Variants in RAD17 observed in about 807,000 individuals in gnomAD.
The protein encoded by RAD17 is cell cycle checkpoint protein RAD17.
In RAD17, 31 loss-of-function variants were observed where a neutral mutation model predicts 81.5. That is an observed-to-expected ratio of 0.38 (90% CI 0.29 to 0.51). The LOEUF is 0.51. RAD17 is among the 20% of genes least tolerant of loss of function. The probability of loss-of-function intolerance (pLI) is 0.88; values close to 1 mark genes in which losing one functional copy is unlikely to be tolerated. For missense variants in RAD17, 681 were observed against 781.2 expected (o/e 0.87, Z 1.53); for synonymous variants, 261 against 266.2 (o/e 0.98, Z 0.19).
At chr5:69,399,881 C>G (rs568069206) in intron 16 of RAD17, among the ~76,000 whole-genome samples, 168 bp from the exon 17 acceptor site, 2 of 152,076 alleles carry the variant, frequency 1.3e-5, no homozygotes, top group South Asian at 4.1e-4. Context: ...GCTAAAAAAA[C>G]TATAAAGGAC....
chr5:69,398,145 G>A (rs997083978), intron 16 of RAD17, among the ~76,000 whole-genome samples: 3 of 151,824 alleles, frequency 2.0e-5, no homozygotes, highest in Admixed American at 1.3e-4. Flanking sequence ...CACTAAAACG[G>A]TAGATTTTAA....
upstream of RAD17, chr5:69,369,471 A>T: frequency 6.2e-7 from 1 of 1,610,952 alleles, no homozygotes; most frequent in Non-Finnish European, 8.5e-7. Flanking sequence ...ACCGGTGAGC[A>T]GGATGTTCGG....
chr5:69,371,962 T>G, intron 3 of RAD17, 72 bp from the exon 4 acceptor site: 2 of 820,108 alleles, frequency 2.4e-6, no homozygotes, highest in Middle Eastern at 4.0e-4. Context: ...TTTCCCTAAG[T>G]GGTAGCTCTA....
chr5:69,373,780 A>G, intron 4 of RAD17, 50 bp from the exon 5 acceptor site: 1 of 1,496,062 alleles, frequency 6.7e-7, no homozygotes, highest in Non-Finnish European at 9.2e-7. Flanking sequence ...ATTTGGGGGA[A>G]TAGATGGGAG....
intron 4 of RAD17, among the ~76,000 whole-genome samples, 164 bp from the exon 5 acceptor site, chr5:69,373,666 T>C (rs1220252015): frequency 6.9e-6 from 1 of 145,394 alleles, no homozygotes; most frequent in South Asian, 2.2e-4. Context: ...GGTGACAGAG[T>C]GAGACCCGGT....
chr5:69,393,485 C>T lies in RAD17; in HGVS notation c.1407C>T (p.Leu469=). ...AATTTCTGAGTTTTGCAGATATCCTCAGTGGTGACTGGAATGTAAGACCAT... is the reference window on the plus strand; with the variant it reads ...AATTTCTGAGTTTTGCAGATATCCTTAGTGGTGACTGGAATGTAAGACCAT... The part of the protein sequence containing the change: ...ASEFLSFADI[L]SGDWNTRSLL... The change falls in exon 15 of 19, where the codon CTC becomes CTT. Residue 469 remains leucine (L), a synonymous_variant. Transcript: ENST00000354868. 1.2e-6 allele frequency: 2 copies of T among 1,605,982 alleles called. No individual in the cohort carries two copies. Among genetic ancestry groups the T allele is most frequent in the South Asian group, 2.2e-5 (2 of 89,408 alleles).
At position 69,414,204 on chromosome 5, in the gene RAD17, T is replaced by G; in HGVS notation, c.1925T>G (p.Leu642Arg). 1.2e-6 allele frequency: 2 copies of G among 1,614,230 alleles called. No homozygotes were observed. Among genetic ancestry groups the G allele is most frequent in the Non-Finnish European group, 1.7e-6 (2 of 1,180,046 alleles). ...TTGAGTCAGAATAGTGCCAGTGAAC[T>G]GCCTGCTAGCCAGCCCCAGCCCTTT... ...LPLSQNSASE[L>R]PASQPQPFSA... is the part of the protein sequence containing the mutation. The change falls in exon 19 of 19, where the codon CTG (leucine) becomes CGG (arginine). Residue 642 changes from leucine to arginine, a missense_variant. Transcript: ENST00000354868.
chr5:69,404,332 A>G (rs183104385), intron 17 of RAD17, among the ~76,000 whole-genome samples: 11 of 152,350 alleles, frequency 7.2e-5, no homozygotes, highest in Admixed American at 5.2e-4. Flanking sequence ...GGGAGAAAAT[A>G]TTTGTAAATT....
At chr5:69,386,352 TTTAAA>T in intron 10 of RAD17, 39 bp from the exon 11 acceptor site, 2 of 1,579,832 alleles carry the variant, frequency 1.3e-6, no homozygotes, top group Non-Finnish European at 1.7e-6. Flanking sequence ...ATATTATATT[TTTAAA>T]TTAATCATTT....
chr5:69,389,882 C>T (rs751495332), intron 12 of RAD17, among the ~76,000 whole-genome samples: 4 of 152,102 alleles, frequency 2.6e-5, no homozygotes, highest in Non-Finnish European at 5.9e-5. Flanking sequence ...GTGATCCGCC[C>T]GCCTCGGCCT....
intron 6 of RAD17, among the ~76,000 whole-genome samples, chr5:69,381,271 G>T (rs1017823249): frequency 2.2e-4 from 34 of 152,122 alleles, no homozygotes; most frequent in African/African-American, 8.2e-4. Flanking sequence ...ACGAGGTCAG[G>T]AGATTGAGAC....
At chr5:69,392,479 T>TC (rs1764609962) in intron 13 of RAD17, among the ~76,000 whole-genome samples, 1 of 152,140 alleles carries the variant, frequency 6.6e-6, no homozygotes, top group Non-Finnish European at 1.5e-5. Context: ...TGATGACTGC[T>TC]CCCCCTCAGT....
chr5:69,411,592 A>C (rs938886006), intron 18 of RAD17, among the ~76,000 whole-genome samples: 2 of 152,052 alleles, frequency 1.3e-5, no homozygotes, highest in African/African-American at 4.8e-5. Context: ...TTGTAGTGTT[A>C]ATGTTTTTTT....
At chr5:69,392,164 A>G in intron 13 of RAD17, 151 bp downstream of exon 13, 1 of 576,542 alleles carries the variant, frequency 1.7e-6, no homozygotes, top group South Asian at 4.1e-5. Flanking sequence ...CCTAAGACAT[A>G]GTAGGAAATC....
intron 6 of RAD17, among the ~76,000 whole-genome samples, chr5:69,378,249 A>T (rs1763637230): frequency 6.6e-6 from 1 of 152,244 alleles, no homozygotes; most frequent in South Asian, 2.1e-4. Flanking sequence ...TATACCAAAT[A>T]TTTGCAGAGT....
chr5:69,385,561 A>C (rs113879558), intron 8 of RAD17, among the ~76,000 whole-genome samples: 77 of 152,252 alleles, frequency 5.1e-4, no homozygotes, highest in African/African-American at 1.8e-3. Flanking sequence ...GTGAGCCACC[A>C]CACCCAGCCA....
At chr5:69,387,539 AATT>A (rs1344710739) in intron 11 of RAD17, among the ~76,000 whole-genome samples, 1 of 152,154 alleles carries the variant, frequency 6.6e-6, no homozygotes, top group Non-Finnish European at 1.5e-5. Context: ...TACTGTGATG[AATT>A]ATTATGCTAT....
chr5:69,370,548 G>A (rs1388801928), intron 1 of RAD17, among the ~76,000 whole-genome samples: 1 of 151,974 alleles, frequency 6.6e-6, no homozygotes, highest in African/African-American at 2.4e-5. Context: ...CCATGTTTTG[G>A]CCAGGCTGGT....
intron 15 of RAD17, among the ~76,000 whole-genome samples, chr5:69,393,723 CTTTTTTTCT>C (rs1466504960): frequency 6.6e-6 from 1 of 151,636 alleles, no homozygotes; most frequent in Non-Finnish European, 1.5e-5. Context: ...AAGTTATTTT[CTTTTTTTCT>C]TTTTTTTCTG....
Sources: gnomAD v4.1 joint callset for allele counts (sites outside exome capture counted in the v4.1 genomes callset) on GRCh38, gnomAD v4.1.1 for gene constraint, MANE v1.5 for transcripts, NCBI Gene and HGNC (gene_info 2026-07-23, HGNC 2026-07-21) for gene names.